The following LPO variants were observed in gnomAD, a reference collection of about 807,000 sequenced individuals.
The protein encoded by LPO is salivary peroxidase.
In LPO, 70 loss-of-function variants were observed where a neutral mutation model predicts 68.4. The observed-to-expected ratio is 1.02, with a 90% CI of 0.84 to 1.25. The LOEUF (loss-of-function observed/expected upper bound fraction) is 1.25. LPO is among the 50% of genes most tolerant of loss of function. The pLI is 0.00. For missense variants in LPO, 873 were observed against 908.4 expected, an observed-to-expected ratio of 0.96 and a Z score of 0.50; for synonymous variants, 360 against 357.6, an observed-to-expected ratio of 1.01 and a Z score of -0.08.
intron 4 of LPO, among the ~76,000 whole-genome samples, chr17:58,248,015 T>G (rs1036719765): frequency 2.6e-5 from 4 of 152,126 alleles, no homozygotes; most frequent in South Asian, 2.1e-4. Flanking sequence ...AGAAGAGACA[T>G]TTAAGCCACA....
intron 1 of LPO, 78 bp downstream of exon 1, chr17:58,238,817 T>G (rs1969705137): frequency 6.6e-6 from 1 of 152,200 alleles, no homozygotes; most frequent in South Asian, 2.1e-4. Flanking sequence ...CTCAGAAAGC[T>G]TAACACTGGA....
chr17:58,265,304 C>T (rs939223265), intron 10 of LPO, among the ~76,000 whole-genome samples: 4 of 152,066 alleles, frequency 2.6e-5, no homozygotes, highest in Admixed American at 2.0e-4. Context: ...TTTCCCCGCC[C>T]TAGGCTTCTC....
intron 8 of LPO, among the ~76,000 whole-genome samples, chr17:58,253,517 T>G (rs1970003631): frequency 6.6e-6 from 1 of 152,154 alleles, no homozygotes; most frequent in South Asian, 2.1e-4. Flanking sequence ...GGGGACAAAA[T>G]CCCCATTCCA....
chr17:58,267,754 G>C, intron 12 of LPO, 33 bp from the exon 13 acceptor site: 1 of 1,600,876 alleles, frequency 6.2e-7, no homozygotes, highest in Non-Finnish European at 8.6e-7. Context: ...CCAGCGGCCA[G>C]ACTGTGGAGT....
chr17:58,254,637 A>C, intron 8 of LPO, 174 bp from the exon 9 acceptor site: 2 of 580,588 alleles, frequency 3.4e-6, no homozygotes, highest in Non-Finnish European at 5.9e-6. Context: ...TGAGAGTCAA[A>C]CCTATGATTC....
intron 9 of LPO, among the ~76,000 whole-genome samples, chr17:58,259,127 A>C (rs187914352): frequency 6.6e-6 from 1 of 152,188 alleles, no homozygotes; most frequent in East Asian, 1.9e-4. Context: ...TGGATTGTGC[A>C]TGTGATGTCA....
In LPO at chr17:58,247,557, C is replaced by T. The variant is rs757344771; in HGVS notation, c.244C>T (p.Arg82Cys). The T allele has an allele frequency of 1.6e-5, 26 of 1,614,156 alleles. No homozygotes were observed. Among genetic ancestry groups the T allele is most frequent in the East Asian group, 2.2e-5 (1 of 44,882 alleles). ...EYLKHAKGRT[R>C]TAIRNGQVWE... ...CCTCAAGCATGCCAAAGGCCGGACG[C>T]GCACAGCCATCCGCAATGGACAGGT... Residue 82 changes from arginine to cysteine, a missense_variant, in exon 4 of 13, where the codon CGC becomes TGC. Transcript: ENST00000262290.
intron 7 of LPO, chr17:58,251,944 A>G (rs772749963): frequency 6.8e-6 from 5 of 732,310 alleles, no homozygotes; most frequent in South Asian, 5.4e-5. Flanking sequence ...TGGAGCCCTC[A>G]CTGTGAGGAC....
intron 11 of LPO, 64 bp downstream of exon 11, chr17:58,266,390 A>T: frequency 6.6e-7 from 1 of 1,518,186 alleles, no homozygotes. Context: ...GCTCCTGGAG[A>T]CTCTCTTCTA....
At chr17:58,238,786 G>T (rs544312925) in intron 1 of LPO, 47 bp downstream of exon 1, 6 of 152,310 alleles carry the variant, frequency 3.9e-5, no homozygotes, top group Admixed American at 1.3e-4. Context: ...CAAAGTTGAT[G>T]ATGAAATTTC....
At chr17:58,239,712 T>C (rs1159421917) in intron 1 of LPO, among the ~76,000 whole-genome samples, 1 of 152,120 alleles carries the variant, frequency 6.6e-6, no homozygotes, top group East Asian at 1.9e-4. Flanking sequence ...AAGGCCTTGG[T>C]ACTCAGAGTG....
intron 2 of LPO, 31 bp from the exon 3 acceptor site, chr17:58,243,963 C>T (rs764671477): frequency 6.7e-7 from 1 of 1,481,484 alleles, no homozygotes; most frequent in Admixed American, 1.7e-5. Context: ...TGTCTGACAC[C>T]CTACTTCCTG....
At chr17:58,244,987 G>A (rs1312563956) in intron 3 of LPO, among the ~76,000 whole-genome samples, 3 of 152,166 alleles carry the variant, frequency 2.0e-5, no homozygotes, top group East Asian at 3.9e-4. Flanking sequence ...CTTTCCTCTC[G>A]CTGTCCCTTT....
intron 9 of LPO, among the ~76,000 whole-genome samples, chr17:58,258,558 T>C (rs1424476078): frequency 2.0e-5 from 3 of 152,250 alleles, no homozygotes; most frequent in African/African-American, 7.2e-5. Flanking sequence ...GTACTATAAC[T>C]TGAAGTCAGG....
Position 58,252,426 on chromosome 17 carries a change from C to A in LPO, c.1025C>A (p.Pro342His). The A allele has an allele frequency of 6.2e-7, 1 of 1,614,168 alleles. No individual in the cohort carries two copies. The highest frequency in any genetic ancestry group is 1.1e-5 in the South Asian group (1 of 91,084). Reference protein sequence around the residue: ...VNQEVSDHGLPYLPYDSKKPS... With the variant: ...VNQEVSDHGLHYLPYDSKKPS... ...CAGGAGGTCTCAGACCATGGACTAC[C>A]CTACCTGCCCTATGACAGCAAGAAG... The change falls in exon 8 of 13, where the codon CCC becomes CAC. Residue 342 changes from proline to histidine, a missense_variant. Transcript: ENST00000262290.
chr17:58,239,319 C>T (rs1215737894), intron 1 of LPO, among the ~76,000 whole-genome samples: 8 of 150,974 alleles, frequency 5.3e-5, no homozygotes, highest in African/African-American at 1.5e-4. Context: ...CTGTGGACAC[C>T]TGGCTCTCAA....
chr17:58,256,143 T>A (rs1480254538), intron 9 of LPO, among the ~76,000 whole-genome samples: 2 of 152,358 alleles, frequency 1.3e-5, no homozygotes, highest in East Asian at 3.9e-4. Flanking sequence ...ATAATATCTT[T>A]GAGGCTCATC....
chr17:58,267,914 AACAGCTACCC>A lies in LPO; in HGVS notation c.2060_2069del (p.Asn687ThrfsTer21). 6.2e-7 allele frequency: 1 copy of A among 1,614,186 alleles called. No homozygotes were observed. Among genetic ancestry groups the A allele is most frequent in the African/African-American group, 1.3e-5 (1 of 75,048 alleles). ...GGTCCCACGGGACCCATTCTGGGCCAACAGCTACCCCTATGACTTCGTGGATTGCTCAGCC... is the reference window on the plus strand; with the variant it reads ...GGTCCCACGGGACCCATTCTGGGCCACTATGACTTCGTGGATTGCTCAGCC... On this transcript the variant is annotated frameshift_variant, in exon 13 of 13. Coordinates refer to ENST00000262290, the MANE Select transcript of LPO (RefSeq NM_006151.3). LOFTEE classifies it high-confidence loss of function.
At chr17:58,260,474 C>T (rs546732332) in intron 9 of LPO, among the ~76,000 whole-genome samples, 5 of 152,232 alleles carry the variant, frequency 3.3e-5, no homozygotes, top group South Asian at 4.1e-4. Context: ...TCTTCCCAAT[C>T]GAGAAAGTAT....
Sources: allele counts gnomAD v4.1 joint callset (sites outside exome capture counted in the v4.1 genomes callset), GRCh38; gene constraint gnomAD v4.1.1; transcripts MANE v1.5; gene names NCBI Gene and HGNC (gene_info 2026-07-23, HGNC 2026-07-21).